Variants in IGF1 observed in about 807,000 individuals in gnomAD.
The protein encoded by IGF1 is insulin like growth factor 1.
In IGF1, 4 loss-of-function variants were observed where a neutral mutation model predicts 13.8. The ratio of observed to expected loss-of-function variants is 0.29; its 90% CI spans 0.14 to 0.66. IGF1 has a LOEUF of 0.66. IGF1 is among the 30% of genes least tolerant of loss of function. The probability of loss-of-function intolerance (pLI) is 0.78; values close to 1 mark genes in which losing one functional copy is unlikely to be tolerated. For synonymous variants in IGF1, 76 were observed against 72.6 expected (o/e 1.05, Z -0.23); for missense variants, 124 against 188.5 (o/e 0.66, Z 2.00).
chr12:102,472,540 A>T (rs1420765177), intron 2 of IGF1, among the ~76,000 whole-genome samples: 1 of 152,206 alleles, frequency 6.6e-6, no homozygotes, highest in Non-Finnish European at 1.5e-5. Flanking sequence ...TACTAAAAAA[A>T]TTGTACTTCC....
chr12:102,476,444 A>AGAGAGAGAGAGAGAGAGT, intron 1 of IGF1, among the ~76,000 whole-genome samples: 1 of 151,330 alleles, frequency 6.6e-6, no homozygotes, highest in Non-Finnish European at 1.5e-5. Context: ...AGAGAGAGAG[A>AGAGAGAGAGAGAGAGAGT]CTGATTCCTT....
rs73187942 is a variant in IGF1, at chr12:102,399,835, A to T, written c.*2672T>A. The T allele has an allele frequency of 6.6e-6, 1 of 152,326 alleles. No individual in the cohort carries two copies. Among genetic ancestry groups the T allele is most frequent in the Non-Finnish European group, 1.5e-5 (1 of 68,016 alleles). 9.4% of individuals were successfully genotyped at this position (152,326 alleles called of 1,614,324 possible). ...TGCCTATAAAGTTTTGTTGAGAGGG[A>T]ATAATTTTAAAAGGTACACACTGGG... On this transcript the variant is annotated 3_prime_UTR_variant, in exon 4 of 4. Transcript: ENST00000337514.
intron 2 of IGF1, among the ~76,000 whole-genome samples, chr12:102,462,201 GC>G: frequency 6.6e-6 from 1 of 152,256 alleles, no homozygotes; most frequent in South Asian, 2.1e-4. Context: ...AAACCAATTA[GC>G]CCGTTGTAAA....
intron 2 of IGF1, among the ~76,000 whole-genome samples, chr12:102,420,841 C>T (rs1289743751): frequency 6.6e-6 from 1 of 152,174 alleles, no homozygotes; most frequent in East Asian, 1.9e-4. Flanking sequence ...AAATCACGGG[C>T]ACAGAAGAAT....
chr12:102,470,968 G>A (rs759819219), intron 2 of IGF1, among the ~76,000 whole-genome samples: 21 of 152,168 alleles, frequency 1.4e-4, no homozygotes, highest in Non-Finnish European at 2.4e-4. Context: ...CTGTCAGTGG[G>A]TCTATCCTAA....
chr12:102,481,384 TGTG>T (rs1206821223), upstream of IGF1, among the ~76,000 whole-genome samples: 6 of 150,404 alleles, frequency 4.0e-5, no homozygotes, highest in African/African-American at 1.5e-4. Context: ...TGTGTGTGTG[TGTG>T]TATGACAGAG....
chr12:102,419,456 G>C, intron 3 of IGF1, 53 bp downstream of exon 3: 2 of 1,565,478 alleles, frequency 1.3e-6, no homozygotes, highest in South Asian at 2.3e-5. Context: ...CCACCCACAT[G>C]CACAAGAGAG....
At chr12:102,478,666 G>A in intron 1 of IGF1, 3 of 1,369,564 alleles carry the variant, frequency 2.2e-6, no homozygotes, top group Non-Finnish European at 1.9e-6. Flanking sequence ...ATGAGCCTGG[G>A]TAAACTGCCT....
chr12:102,477,939 CA>C (rs1881162855), intron 1 of IGF1, among the ~76,000 whole-genome samples: 1 of 151,486 alleles, frequency 6.6e-6, no homozygotes, highest in Admixed American at 6.6e-5. Context: ...TGCAGCGATA[CA>C]TATAAGTCTC....
At chr12:102,464,014 T>C (rs991923722) in intron 2 of IGF1, among the ~76,000 whole-genome samples, 1 of 152,236 alleles carries the variant, frequency 6.6e-6, no homozygotes, top group African/African-American at 2.4e-5. Flanking sequence ...AAACCACTTG[T>C]AGTGTTCTCT....
At chr12:102,444,123 G>A (rs188430589) in intron 2 of IGF1, among the ~76,000 whole-genome samples, 35 of 152,154 alleles carry the variant, frequency 2.3e-4, no homozygotes, top group African/African-American at 7.0e-4. Context: ...CACCACGCCC[G>A]GCTGAAGTGC....
chr12:102,479,285 G>T (rs1018852949), intron 1 of IGF1, among the ~76,000 whole-genome samples: 17 of 152,284 alleles, frequency 1.1e-4, no homozygotes, highest in African/African-American at 4.1e-4. Flanking sequence ...AGTCGTAGTG[G>T]TGAAGTGTTT....
At position 102,428,236 on chromosome 12, in the gene IGF1, GTATA is replaced by G. The variant is rs56947594; in HGVS notation, c.221-8550_221-8547del. Among the ~76,000 whole-genome samples the G allele has an allele frequency of 1.9e-3, 129 of 69,584 alleles. 16 individuals are homozygous for G. Among genetic ancestry groups the G allele is most frequent in the African/African-American group, 4.9e-3 (113 of 23,196 alleles). 45.6% of individuals were successfully genotyped at this position (69,584 alleles called of 152,430 possible). A position where few individuals can be genotyped will look rare whatever the true frequency, so the allele number is the denominator to read the frequency against. On this transcript the variant is annotated intron_variant, in intron 2 of 3. Coordinates refer to ENST00000337514, the MANE Select transcript of IGF1 (RefSeq NM_000618.5). The stretch of plus-strand genomic sequence containing the variant: ...CGACCCACTTTGTAATCAATAATGT[GTATA>G]TATATATATGGCATATTAATGTTTC...
At chr12:102,458,366 A>G (rs1400142856) in intron 2 of IGF1, among the ~76,000 whole-genome samples, 1 of 152,190 alleles carries the variant, frequency 6.6e-6, no homozygotes, top group Non-Finnish European at 1.5e-5. Flanking sequence ...GAGGCATGCA[A>G]TAGTGTTTTA....
intron 2 of IGF1, among the ~76,000 whole-genome samples, chr12:102,432,107 A>T (rs947514194): frequency 1.3e-5 from 2 of 152,226 alleles, no homozygotes; most frequent in African/African-American, 4.8e-5. Flanking sequence ...TCTCATCCAG[A>T]TACATACATT....
intron 2 of IGF1, among the ~76,000 whole-genome samples, chr12:102,435,815 A>C (rs1877176196): frequency 6.6e-6 from 1 of 152,208 alleles, no homozygotes; most frequent in Non-Finnish European, 1.5e-5. Context: ...GCTTATTAAA[A>C]CACGATCAAC....
intron 2 of IGF1, among the ~76,000 whole-genome samples, chr12:102,430,997 T>C (rs1388909000): frequency 6.6e-6 from 1 of 152,232 alleles, no homozygotes; most frequent in Non-Finnish European, 1.5e-5. Context: ...TAATACTCTC[T>C]TTTCAAACCA....
At chr12:102,455,527 C>T (rs999026873) in intron 2 of IGF1, among the ~76,000 whole-genome samples, 2 of 152,216 alleles carry the variant, frequency 1.3e-5, no homozygotes, top group Non-Finnish European at 2.9e-5. Flanking sequence ...TATCTCACAG[C>T]GAAACCAGAA....
chr12:102,425,153 C>T (rs956024315), intron 2 of IGF1, among the ~76,000 whole-genome samples: 2 of 152,106 alleles, frequency 1.3e-5, no homozygotes, highest in African/African-American at 4.8e-5. Flanking sequence ...ATATCTATTG[C>T]CTGCCTTATA....
Sources: allele counts gnomAD v4.1 joint callset (sites outside exome capture counted in the v4.1 genomes callset), GRCh38; gene constraint gnomAD v4.1.1; transcripts MANE v1.5; gene names NCBI Gene and HGNC (gene_info 2026-07-23, HGNC 2026-07-21).